The following ELOVL6 variants were observed in gnomAD, a reference collection of about 807,000 sequenced individuals.
ELOVL6 encodes the protein very long chain fatty acid elongase 6.
Under a neutral mutation model 31.7 loss-of-function variants are expected in ELOVL6, and 8 were observed. That is an observed-to-expected ratio of 0.25 (90% CI 0.15 to 0.45). ELOVL6 has a LOEUF of 0.45. ELOVL6 is among the 20% of genes least tolerant of loss of function. ELOVL6 has a pLI of 1.00. For synonymous variants in ELOVL6, 101 were observed against 117.7 expected, an observed-to-expected ratio of 0.86 and a Z score of 0.92; for missense variants, 126 against 326.4, an observed-to-expected ratio of 0.39 and a Z score of 4.73.
At chr4:110,070,756 T>C (rs1755450557) in intron 2 of ELOVL6, among the ~76,000 whole-genome samples, 1 of 152,160 alleles carries the variant, frequency 6.6e-6, no homozygotes, top group African/African-American at 2.4e-5. Flanking sequence ...TCTCTTCCTC[T>C]TTCTTCGGCC....
intron 2 of ELOVL6, among the ~76,000 whole-genome samples, chr4:110,084,491 TAC>T (rs1326557146): frequency 5.5e-5 from 2 of 36,168 alleles, no homozygotes; most frequent in African/African-American, 1.0e-4. Flanking sequence ...CTATAATGTA[TAC>T]ACATATATAT....
chr4:110,198,435 AC>A lies in ELOVL6; in HGVS notation c.-101del, dbSNP rs1299093802. The A allele has an allele frequency of 2.0e-5, 12 of 601,226 alleles. No individual in the cohort carries two copies. Among genetic ancestry groups the A allele is most frequent in the African/African-American group, 1.1e-4 (4 of 35,006 alleles). 37.2% of individuals were successfully genotyped at this position (601,226 alleles called of 1,614,324 possible). ...GTTCTCCTGTCTGCTTCCCCCACCC[AC>A]CCCCCTAGGTCTTCCCCACGCCGCT... On this transcript the variant is annotated 5_prime_UTR_variant, in exon 1 of 4. Transcript: ENST00000302274.
At chr4:110,153,837 TGGG>T (rs1307749878) in intron 1 of ELOVL6, among the ~76,000 whole-genome samples, 1 of 152,200 alleles carries the variant, frequency 6.6e-6, no homozygotes, top group Non-Finnish European at 1.5e-5. Context: ...AGTGGAATAA[TGGG>T]CTATTTCTTA....
chr4:110,063,252 C>T (rs946811564), intron 2 of ELOVL6, among the ~76,000 whole-genome samples: 1 of 152,138 alleles, frequency 6.6e-6, no homozygotes, highest in African/African-American at 2.4e-5. Context: ...TTTTCTTGGA[C>T]AAGTGAGTCT....
intron 3 of ELOVL6, among the ~76,000 whole-genome samples, chr4:110,058,064 C>A (rs1444352856): frequency 1.3e-5 from 2 of 152,182 alleles, no homozygotes; most frequent in Non-Finnish European, 2.9e-5. Flanking sequence ...GTGAAAACCA[C>A]TTCTCTAGCC....
intron 1 of ELOVL6, among the ~76,000 whole-genome samples, chr4:110,162,025 G>A (rs1758644614): frequency 6.6e-6 from 1 of 152,142 alleles, no homozygotes. Flanking sequence ...GCAGGGAGGA[G>A]AATTGTGTGG....
chr4:110,099,183 A>G (rs1378613155), intron 2 of ELOVL6, among the ~76,000 whole-genome samples: 1 of 152,152 alleles, frequency 6.6e-6, no homozygotes, highest in Non-Finnish European at 1.5e-5. Flanking sequence ...TAAACACTAA[A>G]TTTGTTTATG....
In ELOVL6 at chr4:110,141,742, T is replaced by A. The variant is rs1488944511; in HGVS notation, c.90-36114A>T. Among the ~76,000 whole-genome samples, 62 of 139,158 alleles carry A rather than the reference T, an allele frequency of 4.5e-4. 1 individual carries two copies. The highest frequency in any genetic ancestry group is 1.4e-3 in the African/African-American group (51 of 35,564). 91.3% of individuals were successfully genotyped at this position (139,158 alleles called of 152,430 possible). On this transcript the variant is annotated intron_variant, in intron 1 of 3. Transcript: ENST00000302274. ...ATATACTAATTGTATTGTATTGTAT[T>A]TATATATATAGTATTGTATTAGTAT...
rs111325937 is a variant in ELOVL6, at chr4:110,080,207, T to C, written c.222-20453A>G. 4.1e-3 allele frequency among the ~76,000 whole-genome samples: 624 copies of C among 152,240 alleles called. 2 individuals carry two copies. The highest frequency in any genetic ancestry group is 0.014 in the African/African-American group (574 of 41,526). ...TTGCTTCTGAAACTATTACAATCAA[T>C]AGAAAGAGAGGGAATCCTTCCTAAC... On this transcript the variant is annotated intron_variant, in intron 2 of 3. Coordinates refer to ENST00000302274, the MANE Select transcript of ELOVL6 (RefSeq NM_024090.3).
chr4:110,174,832 C>T (rs1018480427), intron 1 of ELOVL6, among the ~76,000 whole-genome samples: 1 of 152,038 alleles, frequency 6.6e-6, no homozygotes, highest in Non-Finnish European at 1.5e-5. Flanking sequence ...CACCTAAAAC[C>T]ATCCCAAGAA....
In ELOVL6 at chr4:110,084,579, TA is replaced by T. The variant is rs1756177474; in HGVS notation, c.221+20917del. Among the ~76,000 whole-genome samples the T allele has an allele frequency of 1.3e-3, 68 of 50,736 alleles. 1 individual carries two copies. The East Asian group carries it at 0.015, about 11-fold the overall frequency. 33.3% of individuals were successfully genotyped at this position (50,736 alleles called of 152,430 possible). A position where few individuals can be genotyped will look rare whatever the true frequency, so the allele number is the denominator to read the frequency against. On this transcript the variant is annotated intron_variant, in intron 2 of 3. Transcript: ENST00000302274. ...ACACACACAGATATATATATATATA[TA>T]TATATATATTTTTTTTTTTTTTTTT... is the stretch of plus-strand genomic sequence containing the variant.
In ELOVL6 at chr4:110,093,414, C is replaced by T. The variant is rs1486862884; in HGVS notation, c.221+12083G>A. 4.6e-5 allele frequency among the ~76,000 whole-genome samples: 7 copies of T among 152,168 alleles called. 1 individual carries two copies. In the East Asian group the frequency reaches 1.3e-3, roughly 29 times the overall value. On this transcript the variant is annotated intron_variant, in intron 2 of 3. Transcript: ENST00000302274. ...CCACTGGACAGATTTTCTAATTGTACATAAGCAATTCAAGTCATATAAGGT... is the reference window on the plus strand; with the variant it reads ...CCACTGGACAGATTTTCTAATTGTATATAAGCAATTCAAGTCATATAAGGT...
At chr4:110,095,604 G>A (rs1160922588) in intron 2 of ELOVL6, among the ~76,000 whole-genome samples, 2 of 152,140 alleles carry the variant, frequency 1.3e-5, no homozygotes, top group Admixed American at 1.3e-4. Flanking sequence ...GGTAAAAGGT[G>A]AGTCAAGGCA....
intron 2 of ELOVL6, among the ~76,000 whole-genome samples, chr4:110,063,430 C>G (rs1755203475): frequency 6.6e-6 from 1 of 151,448 alleles, no homozygotes. Context: ...CTAGGCAGTC[C>G]ACACCTGGTG....
intron 2 of ELOVL6, among the ~76,000 whole-genome samples, chr4:110,084,417 G>GC (rs1560815311): frequency 0.014 from 145 of 10,138 alleles, 20 homozygotes; most frequent in African/African-American, 0.047. Flanking sequence ...TGACATACAT[G>GC]ATATATCACA....
At chr4:110,105,652 T>G in intron 1 of ELOVL6, 24 bp from the exon 2 acceptor site, 3 of 1,602,186 alleles carry the variant, frequency 1.9e-6, no homozygotes, top group Non-Finnish European at 2.6e-6. Context: ...AACAAAATCT[T>G]TAAGATATTT....
intron 2 of ELOVL6, among the ~76,000 whole-genome samples, chr4:110,104,371 C>T (rs551313610): frequency 1.3e-5 from 2 of 152,164 alleles, no homozygotes; most frequent in South Asian, 2.1e-4. Context: ...TACTTCAAAC[C>T]TAGGGCTTTA....
chr4:110,069,909 G>A lies in ELOVL6; in HGVS notation c.222-10155C>T, dbSNP rs372514441. On this transcript the variant is annotated intron_variant, in intron 2 of 3. Coordinates refer to ENST00000302274, the MANE Select transcript of ELOVL6 (RefSeq NM_024090.3). ...GGGACACCTTTGGAGACCCCACCGTGCAAGATGCCTTCTGGCCTGTTCTCC... is the reference window on the plus strand; with the variant it reads ...GGGACACCTTTGGAGACCCCACCGTACAAGATGCCTTCTGGCCTGTTCTCC... Among the ~76,000 whole-genome samples the A allele has an allele frequency of 4.2e-4, 64 of 152,240 alleles. 1 individual carries two copies. In the South Asian group the frequency reaches 0.013, roughly 30 times the overall value.
intron 1 of ELOVL6, among the ~76,000 whole-genome samples, chr4:110,141,409 C>T (rs865982602): frequency 1.3e-5 from 2 of 151,848 alleles, no homozygotes; most frequent in South Asian, 2.1e-4. Context: ...AACCTTTGGC[C>T]CCATACATCT....
Sources: allele counts gnomAD v4.1 joint callset (sites outside exome capture counted in the v4.1 genomes callset), GRCh38; gene constraint gnomAD v4.1.1; transcripts MANE v1.5; gene names NCBI Gene and HGNC (gene_info 2026-07-23, HGNC 2026-07-21).